Variants in CSMD3 observed in about 807,000 individuals in gnomAD.
CSMD3 encodes the protein CUB and Sushi multiple domains 3.
A neutral mutation model predicts 435.2 loss-of-function variants in CSMD3; 177 were observed. The ratio of observed to expected loss-of-function variants is 0.41; its 90% CI spans 0.36 to 0.46. The LOEUF is 0.46. CSMD3 is among the 20% of genes least tolerant of loss of function. CSMD3 has a pLI of 0.34. For missense variants in CSMD3, 4,265 were observed against 4,504.6 expected (o/e 0.95, Z 1.52); for synonymous variants, 1,656 against 1,520.5 (o/e 1.09, Z -2.07).
At chr8:112,230,878 A>G (rs542923138) in intron 69 of CSMD3, among the ~76,000 whole-genome samples, 1 of 152,282 alleles carries the variant, frequency 6.6e-6, no homozygotes, top group Non-Finnish European at 1.5e-5. Flanking sequence ...TTAGAGCCTG[A>G]ATTTATTCTT....
chr8:112,638,348 T>TA (rs973582396), intron 21 of CSMD3, among the ~76,000 whole-genome samples: 10 of 151,122 alleles, frequency 6.6e-5, no homozygotes, highest in African/African-American at 2.4e-4. Context: ...ACTGAAACTT[T>TA]AAAATATATA....
chr8:113,163,244 A>C (rs922326385), intron 4 of CSMD3, among the ~76,000 whole-genome samples: 1 of 152,098 alleles, frequency 6.6e-6, no homozygotes, highest in Non-Finnish European at 1.5e-5. Context: ...TTTTGAAGTT[A>C]GTACTTTGTA....
intron 1 of CSMD3, among the ~76,000 whole-genome samples, chr8:113,435,512 T>C (rs2130133873): frequency 6.6e-6 from 1 of 152,202 alleles, no homozygotes; most frequent in African/African-American, 2.4e-5. Context: ...CGCGGCCCGA[T>C]TGCAGTTCAG....
chr8:113,061,871 T>C (rs1476424940), intron 5 of CSMD3, among the ~76,000 whole-genome samples: 1 of 151,928 alleles, frequency 6.6e-6, no homozygotes, highest in African/African-American at 2.4e-5. Flanking sequence ...TCTTATGATA[T>C]AGACTCAAGA....
At chr8:113,371,851 G>C (rs568799087) in intron 1 of CSMD3, among the ~76,000 whole-genome samples, 18 of 152,262 alleles carry the variant, frequency 1.2e-4, no homozygotes, top group Admixed American at 7.2e-4. Flanking sequence ...GTGGTTTTTA[G>C]CTTGTAAAGC....
chr8:113,057,231 T>A (rs886623008), intron 5 of CSMD3, among the ~76,000 whole-genome samples: 1 of 152,170 alleles, frequency 6.6e-6, no homozygotes, highest in South Asian at 2.1e-4. Flanking sequence ...ATTTTACTTA[T>A]TTATTTTTCA....
intron 22 of CSMD3, among the ~76,000 whole-genome samples, chr8:112,590,316 C>A (rs899518917): frequency 2.0e-5 from 3 of 151,852 alleles, no homozygotes; most frequent in Non-Finnish European, 2.9e-5. Context: ...TCCTGAATAG[C>A]CAGGAAAGAC....
intron 49 of CSMD3, 119 bp downstream of exon 49, chr8:112,313,787 C>T (rs1272087028): frequency 6.5e-6 from 5 of 766,660 alleles, no homozygotes; most frequent in African/African-American, 3.5e-5. Flanking sequence ...GTCCAGGAAC[C>T]ATCAATGGAG....
intron 11 of CSMD3, among the ~76,000 whole-genome samples, chr8:112,856,889 G>T (rs910274851): frequency 6.6e-6 from 1 of 151,666 alleles, no homozygotes; most frequent in East Asian, 1.9e-4. Context: ...TTCTGAAAAG[G>T]GTTCCAAGGA....
intron 23 of CSMD3, among the ~76,000 whole-genome samples, chr8:112,576,413 T>TA (rs929921389): frequency 5.3e-5 from 8 of 152,084 alleles, no homozygotes; most frequent in East Asian, 1.9e-4. Context: ...TAACTAAAAT[T>TA]AAAAAAATAA....
intron 31 of CSMD3, among the ~76,000 whole-genome samples, chr8:112,479,616 G>T (rs1407691189): frequency 2.6e-5 from 4 of 152,162 alleles, no homozygotes; most frequent in African/African-American, 7.2e-5. Flanking sequence ...CTTCAGCCTT[G>T]GCTCAAAGGG....
intron 67 of CSMD3, among the ~76,000 whole-genome samples, chr8:112,235,381 C>T (rs991251967): frequency 6.6e-6 from 1 of 151,246 alleles, no homozygotes; most frequent in Non-Finnish European, 1.5e-5. Context: ...AAGACTCTGC[C>T]TCAAAAAAAA....
chr8:112,308,494 G>A (rs191062133), intron 50 of CSMD3, among the ~76,000 whole-genome samples: 91 of 152,034 alleles, frequency 6.0e-4, no homozygotes, highest in Non-Finnish European at 1.1e-3. Context: ...TAACTTCTCC[G>A]CTAATTTTTT....
chr8:113,095,463 C>T (rs913521392), intron 5 of CSMD3, among the ~76,000 whole-genome samples: 12 of 152,226 alleles, frequency 7.9e-5, no homozygotes, highest in Middle Eastern at 3.4e-3. Context: ...TTACTTTCAT[C>T]GGAGTTACCC....
At chr8:112,551,719 G>A (rs1454361584) in intron 26 of CSMD3, among the ~76,000 whole-genome samples, 1 of 151,966 alleles carries the variant, frequency 6.6e-6, no homozygotes, top group Non-Finnish European at 1.5e-5. Flanking sequence ...ACATTGCCTT[G>A]CAAAAGTAAT....
chr8:112,752,760 T>TA (rs2077599736), intron 13 of CSMD3, among the ~76,000 whole-genome samples: 1 of 152,138 alleles, frequency 6.6e-6, no homozygotes, highest in African/African-American at 2.4e-5. Context: ...AAATACAAAA[T>TA]AGAGATGTAT....
At chr8:112,334,804 T>C (rs2130943004) in intron 45 of CSMD3, among the ~76,000 whole-genome samples, 1 of 152,274 alleles carries the variant, frequency 6.6e-6, no homozygotes, top group East Asian at 1.9e-4. Flanking sequence ...CATAAATTAT[T>C]CCACAGCAGT....
chr8:113,102,774 C>G (rs1477358712), intron 4 of CSMD3, among the ~76,000 whole-genome samples: 2 of 152,038 alleles, frequency 1.3e-5, no homozygotes, highest in Non-Finnish European at 2.9e-5. Context: ...CTATCTGGTA[C>G]CAAATCCAAT....
rs369829350 is a variant in CSMD3, at chr8:113,436,738, C to A, written c.117G>T (p.Gly39=). Reference sequence around the variant, plus strand: ...TCCAAAACGTAAATCCACTTTTAATCCCCATTTTCTTCATCAGGATGAAGT... The same window carrying A: ...TCCAAAACGTAAATCCACTTTTAATACCCATTTTCTTCATCAGGATGAAGT... ...RLDFILMKKM[G]IKSGFTFWNL... The change falls in exon 1 of 71, where the codon GGG becomes GGT. Residue 39 remains glycine, a synonymous_variant. Coordinates refer to ENST00000297405, the MANE Select transcript of CSMD3 (RefSeq NM_198123.2). 6 of 1,614,076 alleles carry A rather than the reference C, an allele frequency of 3.7e-6. No individual in the cohort carries two copies. The highest frequency in any genetic ancestry group is 5.1e-6 in the Non-Finnish European group (6 of 1,180,038).
Sources: gnomAD v4.1 joint callset for allele counts (sites outside exome capture counted in the v4.1 genomes callset) on GRCh38, gnomAD v4.1.1 for gene constraint, MANE v1.5 for transcripts, NCBI Gene and HGNC (gene_info 2026-07-23, HGNC 2026-07-21) for gene names.